CCDC188: variants seen among roughly 807,000 people sequenced by gnomAD.
CCDC188 encodes coiled-coil domain-containing protein 188.
Under a neutral mutation model 50.7 loss-of-function variants are expected in CCDC188, and 37 were observed. That is an observed-to-expected ratio of 0.73 (90% CI 0.56 to 0.96). CCDC188 has a LOEUF of 0.96. Ranked by LOEUF, CCDC188 falls within the 40% of genes least tolerant of loss-of-function variation. CCDC188 has a pLI of 0.00. For missense variants in CCDC188, 453 were observed against 512.9 expected (o/e 0.88, Z 1.13); for synonymous variants, 208 against 228.0 (o/e 0.91, Z 0.79).
At chr22:20,150,352 TGGGGCA>T (rs1247677207) in intron 1 of CCDC188, 102 bp from the exon 2 acceptor site, 147 of 752,652 alleles carry the variant, frequency 2.0e-4, no homozygotes, top group African/African-American at 1.7e-3. Context: ...GGGCTGGGGC[TGGGGCA>T]GGGGCAGGGG....
chr22:20,148,667 C>T lies in CCDC188; in HGVS notation c.1156G>A (p.Ala386Thr). ...AGGCGCAGGAAGGGGTCCAGCAGGG[C>T]CCGGAGCTTCCAGACGGTGGCACGG... ...LSRATVWKLR[A>T]LLDPFLRLKV... is the part of the protein sequence containing the mutation. Residue 386 changes from alanine (A) to threonine (T), a missense_variant, in exon 9 of 9, where the codon GCC (alanine) becomes ACC (threonine). Ala to Thr is a moderately conservative substitution (Grantham distance 58). Transcript: ENST00000439765. The T allele has an allele frequency of 1.3e-6, 2 of 1,547,306 alleles. No homozygotes were observed. The highest frequency in any genetic ancestry group is 8.7e-7 in the Non-Finnish European group (1 of 1,145,616).
chr22:20,148,806 G>A lies in CCDC188; in HGVS notation c.1023-6C>T. On this transcript the variant is annotated splice_region_variant and splice_polypyrimidine_tract_variant and intron_variant, in intron 8 of 8. Coordinates refer to ENST00000439765, the MANE Select transcript of CCDC188 (RefSeq NM_001365892.2). The stretch of plus-strand genomic sequence containing the variant: ...GCAGCCTCAGGGTCAGCAGCCTGCG[G>A]GCGGCGGTGGTCAGGGGCAGGGGCG... 6.8e-7 allele frequency: 1 copy of A among 1,465,394 alleles called. No homozygotes were observed. The highest frequency in any genetic ancestry group is 9.1e-7 in the Non-Finnish European group (1 of 1,103,052). The allele number at this position is 1,465,394 out of a possible 1,614,324, so 90.8% of individuals were successfully genotyped here. A position where few individuals can be genotyped will look rare whatever the true frequency, so the allele number is the denominator to read the frequency against.
At chr22:20,149,160 A>G in intron 7 of CCDC188, 27 bp downstream of exon 7, 1 of 1,447,398 alleles carries the variant, frequency 6.9e-7, no homozygotes, top group Non-Finnish European at 9.1e-7. Context: ...TGGTCTCCAG[A>G]CCCAGAGTGG....
chr22:20,150,791 T>C lies in CCDC188; in HGVS notation c.196A>G (p.Ser66Gly). The change falls in exon 1 of 9, where the codon AGT becomes GGT. Residue 66 changes from serine to glycine, a missense_variant. By Grantham distance (56) the Ser-to-Gly change is moderately conservative. Coordinates refer to ENST00000439765, the MANE Select transcript of CCDC188 (RefSeq NM_001365892.2). ...GCCTCGCCCTCCACTGTGGGCCCAC[T>C]GCCCCCTGCCCCTGGGACTGGGAAA... ...RPFPVPGAGG[S>G]GPTVEGEAPG... 9 of 1,549,632 alleles carry C rather than the reference T, an allele frequency of 5.8e-6. No individual in the cohort carries two copies. The highest frequency in any genetic ancestry group is 7.8e-6 in the Non-Finnish European group (9 of 1,146,544).
rs1351207293 is a variant in CCDC188, at chr22:20,150,887, A to C, written c.100T>G (p.Cys34Gly). The change falls in exon 1 of 9, where the codon TGC (cysteine) becomes GGC (glycine). Residue 34 changes from cysteine to glycine, a missense_variant. By Grantham distance (159) the Cys-to-Gly change is radical (BLOSUM62 -3). Transcript: ENST00000439765. The part of the protein sequence containing the change: ...SSHGGGLDQP[C>G]QGFVGWPCLG... ...CAGGGCCACCCTACAAATCCCTGGC[A>C]GGGCTGGTCCAGGCCTCCTCCATGG... The C allele has an allele frequency of 5.6e-5, 78 of 1,388,178 alleles. 1 individual carries two copies. The highest frequency in any genetic ancestry group is 3.1e-5 in the East Asian group (1 of 32,776). 86.0% of individuals were successfully genotyped at this position (1,388,178 alleles called of 1,614,324 possible).
rs2050598729 is a variant in CCDC188, at chr22:20,150,169, GT to G, written c.600del (p.Glu200AspfsTer76). On this transcript the variant is annotated frameshift_variant, in exon 2 of 9. Coordinates refer to ENST00000439765, the MANE Select transcript of CCDC188 (RefSeq NM_001365892.2). LOFTEE classifies it high-confidence loss of function. ...PGQQFLPLCP[E>X]HSSCTALAWP... ...CAGGCCAGAGCAGTGCAGCTTGAGTGTTCGGGACACAGGGGCAGGAACTGCT... is the reference window on the plus strand; with the variant it reads ...CAGGCCAGAGCAGTGCAGCTTGAGTGTCGGGACACAGGGGCAGGAACTGCT... The G allele has an allele frequency of 6.5e-7, 1 of 1,548,596 alleles. No individual in the cohort carries two copies. The highest frequency in any genetic ancestry group is 2.0e-5 in the Admixed American group (1 of 50,880).
rs1569000133 is a variant in CCDC188 at position 20,149,706 on chromosome 22, C to T, written c.789+18G>A. 4.5e-6 allele frequency: 7 copies of T among 1,539,872 alleles called. No individual in the cohort carries two copies. The highest frequency in any genetic ancestry group is 1.2e-5 in the South Asian group (1 of 82,914). ...TGGGTGGGCCCCCAGCACCCCTCCC[C>T]CTCAGCCAGGCGGGCACCTCTGTGA... On this transcript the variant is annotated intron_variant, in intron 4 of 8. Transcript: ENST00000439765.
In CCDC188 at chr22:20,148,587, C is replaced by G; in HGVS notation, c.*27G>C. 6.6e-7 allele frequency: 1 copy of G among 1,516,322 alleles called. No homozygotes were observed. Among genetic ancestry groups the G allele is most frequent in the Non-Finnish European group, 8.8e-7 (1 of 1,132,380 alleles). 93.9% of individuals were successfully genotyped at this position (1,516,322 alleles called of 1,614,324 possible). The stretch of plus-strand genomic sequence containing the variant: ...CGGGGCAGTGCTGGTCGCCTGGCCT[C>G]CTTGCTGGGGCCGCTGGGCCTCTGG... On this transcript the variant is annotated 3_prime_UTR_variant, in exon 9 of 9. Transcript: ENST00000439765.
chr22:20,149,708 T>C lies in CCDC188; in HGVS notation c.789+16A>G. On this transcript the variant is annotated intron_variant, in intron 4 of 8. Coordinates refer to ENST00000439765, the MANE Select transcript of CCDC188 (RefSeq NM_001365892.2). ...GGTGGGCCCCCAGCACCCCTCCCCC[T>C]CAGCCAGGCGGGCACCTCTGTGATG... 1.3e-6 allele frequency: 2 copies of C among 1,538,730 alleles called. No individual in the cohort carries two copies. Among genetic ancestry groups the C allele is most frequent in the Non-Finnish European group, 1.8e-6 (2 of 1,140,040 alleles).
intron 8 of CCDC188, 35 bp downstream of exon 8, chr22:20,148,840 G>A: frequency 2.1e-6 from 3 of 1,462,028 alleles, no homozygotes; most frequent in Non-Finnish European, 2.7e-6. Flanking sequence ...CGCGCGGGGG[G>A]CCTGGGGGCT....
rs1200873142 is a variant in CCDC188 at position 20,149,235 on chromosome 22, G to C, written c.924C>G (p.Ala308=). The C allele has an allele frequency of 6.7e-7, 1 of 1,492,058 alleles. No homozygotes were observed. Among genetic ancestry groups the C allele is most frequent in the Admixed American group, 2.3e-5 (1 of 43,720 alleles). 92.4% of individuals were successfully genotyped at this position (1,492,058 alleles called of 1,614,324 possible). ...DIQLEILRER[A]QCRTRARKEK... is the part of the protein sequence containing the mutation. ...CCTTCCTGGCTCGAGTGCGGCACTG[G>C]GCCCGCTCCCTGCGGGGGCCTCACT... Residue 308 remains alanine, a synonymous_variant, in exon 7 of 9, where the codon GCC becomes GCG. Transcript: ENST00000439765.
At position 20,148,740 on chromosome 22, in the gene CCDC188, G is replaced by T. The variant is rs175181; in HGVS notation, c.1083C>A (p.Tyr361Ter). The T allele has an allele frequency of 6.6e-7, 1 of 1,508,800 alleles. No homozygotes were observed. Among genetic ancestry groups the T allele is most frequent in the Admixed American group, 2.2e-5 (1 of 45,022 alleles). The allele number at this position is 1,508,800 out of a possible 1,614,324, so 93.5% of individuals were successfully genotyped here. ...ALLVWTAAYV[Y>*]VVNPTPFEGL... ...CCTCGAAAGGTGTGGGGTTCACCAC[G>T]TACACGTAGGCAGCGGTCCAGACCA... Residue 361 changes from tyrosine to a stop codon, truncating the protein, a stop_gained, in exon 9 of 9, where the codon TAC (tyrosine) becomes TAA (stop). Coordinates refer to ENST00000439765, the MANE Select transcript of CCDC188 (RefSeq NM_001365892.2). LOFTEE classifies it high-confidence loss of function.
At position 20,149,929 on chromosome 22, in the gene CCDC188, C is replaced by A. The variant is rs369140079; in HGVS notation, c.732+26G>T. The A allele has an allele frequency of 3.5e-5, 53 of 1,522,062 alleles. 1 individual carries two copies. The African/African-American group carries it at 5.0e-4, about 14-fold the overall frequency. 94.3% of individuals were successfully genotyped at this position (1,522,062 alleles called of 1,614,324 possible). On this transcript the variant is annotated intron_variant, in intron 3 of 8. Coordinates refer to ENST00000439765, the MANE Select transcript of CCDC188 (RefSeq NM_001365892.2). ...AGTGCTGTTACGAAGCTTCCTCCCC[C>A]CCCACAGCCCCTCCCCCAGGCCCAC...
Position 20,150,478 on chromosome 22 carries a change from T to C in CCDC188, c.509A>G (p.Asn170Ser). 2 of 1,540,896 alleles carry C rather than the reference T, an allele frequency of 1.3e-6. No individual in the cohort carries two copies. The highest frequency in any genetic ancestry group is 1.7e-6 in the Non-Finnish European group (2 of 1,146,158). ...GGGTGGGGTGCTCACCAGGCTGTGG[T>C]TCTCCTGCTCCAGCTGCAGGAAGGA... The part of the protein sequence containing the change: ...EQSFLQLEQE[N>S]HSLKRQNQEL... Residue 170 changes from asparagine (N) to serine (S), a missense_variant, in exon 1 of 9, where the codon AAC becomes AGC. By Grantham distance (46) the Asn-to-Ser change is conservative. Coordinates refer to ENST00000439765, the MANE Select transcript of CCDC188 (RefSeq NM_001365892.2).
At position 20,148,636 on chromosome 22, in the gene CCDC188, A is replaced by G. The variant is rs2050558578; in HGVS notation, c.1187T>C (p.Val396Ala). ...GGCCTAGAAGGGCAGGAAGCCGTCC[A>G]CTTTGAGGCGCAGGAAGGGGTCCAG... ...ALLDPFLRLK[V>A]DGFLPF Residue 396 changes from valine (V) to alanine (A), a missense_variant, in exon 9 of 9, where the codon GTG (valine) becomes GCG (alanine). Val to Ala is a moderately conservative substitution (Grantham distance 64, BLOSUM62 0). Transcript: ENST00000439765. 2 of 1,546,664 alleles carry G rather than the reference A, an allele frequency of 1.3e-6. No individual in the cohort carries two copies. The highest frequency in any genetic ancestry group is 1.7e-6 in the Non-Finnish European group (2 of 1,145,628).
At chr22:20,150,393 G>A (rs1184543115) in intron 1 of CCDC188, 75 bp downstream of exon 1, 41 of 1,349,792 alleles carry the variant, frequency 3.0e-5, no homozygotes, top group South Asian at 1.7e-4. Flanking sequence ...GGTGGGTGGG[G>A]CTGGGGCTGG....
chr22:20,150,687 C>T lies in CCDC188; in HGVS notation c.300G>A (p.Gly100=), dbSNP rs1214665852. Residue 100 remains glycine (G), a synonymous_variant, in exon 1 of 9, where the codon GGG becomes GGA. Coordinates refer to ENST00000439765, the MANE Select transcript of CCDC188 (RefSeq NM_001365892.2). Reference sequence around the variant, plus strand: ...GGTGCAGGGGCCAGCCCCACCCAAGCCCTGCCTCCAGGTCTCCTTGTCTCG... The same window carrying T: ...GGTGCAGGGGCCAGCCCCACCCAAGTCCTGCCTCCAGGTCTCCTTGTCTCG... ...EGPRQGDLEA[G]LGWGWPLHPG... 5 of 1,549,694 alleles carry T rather than the reference C, an allele frequency of 3.2e-6. No homozygotes were observed. In the South Asian group the frequency reaches 3.6e-5, roughly 11 times the overall value.
In CCDC188 at chr22:20,150,619, C is replaced by A; in HGVS notation, c.368G>T (p.Gly123Val). The change falls in exon 1 of 9, where the codon GGC (glycine) becomes GTC (valine). Residue 123 changes from glycine to valine, a missense_variant. Coordinates refer to ENST00000439765, the MANE Select transcript of CCDC188 (RefSeq NM_001365892.2). ...QGAPRQGGSIGSGTRPCPCPP... is the reference protein window; with the variant it reads ...QGAPRQGGSIVSGTRPCPCPP... ...GCATGGGCAGGGTCTGGTCCCTGAG[C>A]CAATGGATCCCCCCTGCCTGGGAGC... is the stretch of plus-strand genomic sequence containing the variant. 2 of 1,543,126 alleles carry A rather than the reference C, an allele frequency of 1.3e-6. No homozygotes were observed. Among genetic ancestry groups the A allele is most frequent in the Non-Finnish European group, 1.8e-6 (2 of 1,141,710 alleles).
chr22:20,150,787 C>A lies in CCDC188; in HGVS notation c.200G>T (p.Gly67Val). 1 of 1,549,862 alleles carries A rather than the reference C, an allele frequency of 6.5e-7. No individual in the cohort carries two copies. Among genetic ancestry groups the A allele is most frequent in the Non-Finnish European group, 8.7e-7 (1 of 1,146,670 alleles). Residue 67 changes from glycine to valine, a missense_variant, in exon 1 of 9, where the codon GGG (glycine) becomes GTG (valine). By Grantham distance (109) the Gly-to-Val change is moderately radical. Coordinates refer to ENST00000439765, the MANE Select transcript of CCDC188 (RefSeq NM_001365892.2). Reference sequence around the variant, plus strand: ...GGGAGCCTCGCCCTCCACTGTGGGCCCACTGCCCCCTGCCCCTGGGACTGG... The same window carrying A: ...GGGAGCCTCGCCCTCCACTGTGGGCACACTGCCCCCTGCCCCTGGGACTGG... ...PFPVPGAGGS[G>V]PTVEGEAPGL...
Sources: gnomAD v4.1 joint callset for allele counts on GRCh38, gnomAD v4.1.1 for gene constraint, MANE v1.5 for transcripts, NCBI Gene and HGNC (gene_info 2026-07-23, HGNC 2026-07-21) for gene names.